RSPH10B: variants seen among roughly 807,000 people sequenced by gnomAD.
The protein encoded by RSPH10B is radial spoke head 10 homolog B (Chlamydomonas).
A neutral mutation model predicts 52.5 loss-of-function variants in RSPH10B; 7 were observed. The ratio of observed to expected loss-of-function variants is 0.13; its 90% confidence interval spans 0.08 to 0.25. The LOEUF (loss-of-function observed/expected upper bound fraction) is 0.25, where lower values mean the gene tolerates loss of function less well. Ranked by LOEUF, RSPH10B falls within the 10% of genes least tolerant of loss-of-function variation. The pLI, the probability that RSPH10B is intolerant of heterozygous loss-of-function variation, is 1.00. For synonymous variants in RSPH10B, 28 were observed against 193.2 expected, an observed-to-expected ratio of 0.14 and a Z score of 7.09; for missense variants, 89 against 542.5, an observed-to-expected ratio of 0.16 and a Z score of 8.30.
upstream of RSPH10B, chr7:5,970,638 A>G (rs933719594): frequency 7.2e-6 from 1 of 139,834 alleles, no homozygotes; most frequent in Non-Finnish European, 1.6e-5. Flanking sequence ...GAGCCCAGAG[A>G]CCTCGCCGGG....
intron 3 of RSPH10B, among the ~76,000 whole-genome samples, chr7:5,961,226 A>C (rs1193941531): frequency 1.5e-5 from 2 of 136,720 alleles, no homozygotes; most frequent in African/African-American, 2.7e-5. Flanking sequence ...AGTGGCTCAC[A>C]CTTGTAATCA....
rs1288232272 is a variant in RSPH10B, at chr7:5,961,325, A to C, written c.400-461T>G. ...CAACCTAGGAAGACCCTGTCTCTAG[A>C]AAAAGATTTTATTTGTTTTTGTTTT... On this transcript the variant is annotated intron_variant, in intron 3 of 18. Coordinates refer to ENST00000337579, the Ensembl canonical transcript of RSPH10B. Among the ~76,000 whole-genome samples the C allele has an allele frequency of 5.5e-5, 8 of 145,912 alleles. No homozygotes were observed. The Admixed American group carries it at 5.5e-4, about 10-fold the overall frequency.
At chr7:5,931,818 T>G (rs1382269414) in intron 17 of RSPH10B, among the ~76,000 whole-genome samples, 1 of 150,648 alleles carries the variant, frequency 6.6e-6, no homozygotes, top group African/African-American at 2.4e-5. Context: ...CTGGCCAACA[T>G]CATGAAACCC....
intron 13 of RSPH10B, among the ~76,000 whole-genome samples, chr7:5,941,602 G>A (rs1444134524): frequency 1.3e-5 from 2 of 148,166 alleles, no homozygotes; most frequent in East Asian, 4.0e-4. Flanking sequence ...AAATTAACTT[G>A]GCATGGTCAT....
At chr7:5,942,908 T>TTATATATTTATATATATA (rs1212461469) in intron 13 of RSPH10B, among the ~76,000 whole-genome samples, 1 of 117,434 alleles carries the variant, frequency 8.5e-6, no homozygotes, top group African/African-American at 3.1e-5. Context: ...ATATATATAT[T>TTATATATTTATATATATA]TATTTATATA....
At chr7:5,927,066 G>GTGTGTA (rs1554284543) in intron 18 of RSPH10B, among the ~76,000 whole-genome samples, 1 of 107,298 alleles carries the variant, frequency 9.3e-6, no homozygotes, top group Non-Finnish European at 2.2e-5. Context: ...GTGTGTGTGT[G>GTGTGTA]TATATGTGTG....
chr7:5,931,877 T>C (rs2128622678), intron 17 of RSPH10B, among the ~76,000 whole-genome samples: 1 of 150,976 alleles, frequency 6.6e-6, no homozygotes, highest in South Asian at 2.1e-4. Flanking sequence ...TAATCCCAGC[T>C]ACTAGGGAGG....
chr7:5,928,672 C>A (rs1184943948), intron 17 of RSPH10B, among the ~76,000 whole-genome samples: 1 of 147,102 alleles, frequency 6.8e-6, no homozygotes, highest in Non-Finnish European at 1.5e-5. Flanking sequence ...CACTCTGTCA[C>A]CCAGGCTGGA....
chr7:5,956,802 C>T (rs376012360), intron 6 of RSPH10B, among the ~76,000 whole-genome samples: 19,453 of 86,774 alleles, frequency 0.22, 776 homozygotes, highest in Non-Finnish European at 0.3. Context: ...CTCCTGGCCT[C>T]AATCCTCAGG....
chr7:5,931,577 AGGCGCGGTTG>A (rs2128622361), intron 17 of RSPH10B, among the ~76,000 whole-genome samples: 1 of 151,336 alleles, frequency 6.6e-6, no homozygotes, highest in Non-Finnish European at 1.5e-5. Context: ...AACAAAGACC[AGGCGCGGTTG>A]GGCTCATACC....
chr7:5,957,895 G>A lies in RSPH10B; in HGVS notation c.780+12C>T, dbSNP rs559804186. 5.1e-5 allele frequency: 68 copies of A among 1,323,432 alleles called. No homozygotes were observed. In the African/African-American group the frequency reaches 5.4e-4, roughly 10 times the overall value. 82.0% of individuals were successfully genotyped at this position (1,323,432 alleles called of 1,614,324 possible). A position where few individuals can be genotyped will look rare whatever the true frequency, so the allele number is the denominator to read the frequency against. On this transcript the variant is annotated intron_variant, in intron 6 of 18. Coordinates refer to ENST00000337579, the Ensembl canonical transcript of RSPH10B. Reference sequence around the variant, plus strand: ...GCCTCTGGGTATAAGCTGCTACCCCGCCCGGGCGTACCTGGATGCCCCTCT... The same window carrying A: ...GCCTCTGGGTATAAGCTGCTACCCCACCCGGGCGTACCTGGATGCCCCTCT...
chr7:5,942,906 ATTTATTTATATATATATATAT>A (rs1780273203), intron 13 of RSPH10B, among the ~76,000 whole-genome samples: 1 of 120,160 alleles, frequency 8.3e-6, no homozygotes, highest in South Asian at 2.5e-4. Flanking sequence ...TTATATATAT[ATTTATTTATATATATATATAT>A]TTTTTTTTAA....
Position 5,938,053 on chromosome 7 carries a change from ACACATGCACACACACG to A in RSPH10B, c.1867-168_1867-153del. 3.0e-5 allele frequency: 20 copies of A among 662,502 alleles called. 4 individuals are homozygous for A. The South Asian group carries it at 3.1e-4, about 10-fold the overall frequency. 41.0% of individuals were successfully genotyped at this position (662,502 alleles called of 1,614,324 possible). A position where few individuals can be genotyped will look rare whatever the true frequency, so the allele number is the denominator to read the frequency against. On this transcript the variant is annotated intron_variant, in intron 14 of 18. Transcript: ENST00000337579. ...TGCAGACACGTGCACAAAGACACAC[ACACATGCACACACACG>A]CACAGACACGCACACACATATATTA...
intron 7 of RSPH10B, among the ~76,000 whole-genome samples, chr7:5,954,988 T>TAAAAAAAAAAAAAAA (rs1185408288): frequency 2.5e-4 from 6 of 24,162 alleles, no homozygotes; most frequent in African/African-American, 8.2e-4. Context: ...CTGTAACTAC[T>TAAAAAAAAAAAAAAA]AAAAAAAAAA....
intron 18 of RSPH10B, among the ~76,000 whole-genome samples, chr7:5,927,858 C>T (rs1779584729): frequency 6.8e-6 from 1 of 146,892 alleles, no homozygotes; most frequent in Non-Finnish European, 1.5e-5. Context: ...ATCGCTTGAA[C>T]CCGGGAGGCG....
Position 5,928,092 on chromosome 7 carries a change from A to C in RSPH10B, c.2432+104T>G, listed in dbSNP as rs1360165137. ...ATGTCAACGACGCCCATAGGAAATT[A>C]CGGCTTGTCCGGAAAGCACTTGGTC... is the stretch of plus-strand genomic sequence containing the variant. On this transcript the variant is annotated intron_variant, in intron 18 of 18. Coordinates refer to ENST00000337579, the Ensembl canonical transcript of RSPH10B. 6 of 1,517,666 alleles carry C rather than the reference A, an allele frequency of 4.0e-6. No homozygotes were observed. In the African/African-American group the frequency reaches 8.3e-5, roughly 21 times the overall value. 94.0% of individuals were successfully genotyped at this position (1,517,666 alleles called of 1,614,324 possible).
intron 18 of RSPH10B, among the ~76,000 whole-genome samples, chr7:5,927,047 A>G (rs989670659): frequency 0.14 from 6,738 of 47,244 alleles, 138 homozygotes; most frequent in East Asian, 0.38. Flanking sequence ...GTGTGTGTGT[A>G]TTATGTGTGT....
chr7:5,927,066 G>GTGTGTATATATA (rs1554284543), intron 18 of RSPH10B, among the ~76,000 whole-genome samples: 3 of 107,340 alleles, frequency 2.8e-5, no homozygotes, highest in South Asian at 5.1e-4. Context: ...GTGTGTGTGT[G>GTGTGTATATATA]TATATGTGTG....
At chr7:5,957,710 T>C (rs2128637377) in intron 6 of RSPH10B, among the ~76,000 whole-genome samples, 197 bp downstream of exon 8, 1 of 112,514 alleles carries the variant, frequency 8.9e-6, no homozygotes, top group Non-Finnish European at 1.8e-5. Flanking sequence ...GCAGGAGAAT[T>C]GCTTGAACCC....
Sources: gnomAD v4.1 joint callset for allele counts (sites outside exome capture counted in the v4.1 genomes callset) on GRCh38, gnomAD v4.1.1 for gene constraint, MANE v1.5 for transcripts, NCBI Gene and HGNC (gene_info 2026-07-23, HGNC 2026-07-21) for gene names.